DYNC1I1: variants seen among roughly 807,000 people sequenced by gnomAD.
DYNC1I1 encodes the protein cytoplasmic dynein 1 intermediate chain 1.
In DYNC1I1, 43 loss-of-function variants were observed where a neutral mutation model predicts 86.6. The ratio of observed to expected loss-of-function variants is 0.50; its 90% CI spans 0.39 to 0.64. The LOEUF is 0.64. DYNC1I1 is among the 30% of genes least tolerant of loss of function. DYNC1I1 has a pLI of 0.00. For synonymous variants in DYNC1I1, 262 were observed against 283.7 expected (o/e 0.92, Z 0.77); for missense variants, 604 against 788.8 (o/e 0.77, Z 2.81).
At chr7:96,044,663 G>T (rs1789154149) in intron 14 of DYNC1I1, among the ~76,000 whole-genome samples, 1 of 152,148 alleles carries the variant, frequency 6.6e-6, no homozygotes, top group Non-Finnish European at 1.5e-5. Flanking sequence ...GAGCAGGTAA[G>T]GATGGGATCA....
intron 14 of DYNC1I1, among the ~76,000 whole-genome samples, chr7:96,046,542 G>T (rs1354612071): frequency 6.6e-6 from 1 of 152,244 alleles, no homozygotes; most frequent in Admixed American, 6.5e-5. Flanking sequence ...TAGTGAATAA[G>T]TGGGGAAACT....
intron 8 of DYNC1I1, 139 bp from the exon 9 acceptor site, chr7:95,986,917 T>G (rs1793609740): frequency 1.4e-6 from 1 of 693,962 alleles, no homozygotes. Flanking sequence ...TTCATTAATT[T>G]TGATCAGGGT....
At chr7:95,792,847 A>G (rs75665356) in intron 1 of DYNC1I1, among the ~76,000 whole-genome samples, 10,501 of 151,286 alleles carry the variant, frequency 0.069, 501 homozygotes, top group Non-Finnish European at 0.098. Context: ...CAGGTTAAAC[A>G]TGGTGAGAAT....
chr7:95,894,246 G>A (rs1790817181), intron 6 of DYNC1I1, among the ~76,000 whole-genome samples: 1 of 151,906 alleles, frequency 6.6e-6, no homozygotes, highest in Admixed American at 6.6e-5. Context: ...CTGAAGGCTG[G>A]AAAGTCCAAG....
intron 6 of DYNC1I1, among the ~76,000 whole-genome samples, chr7:95,941,648 C>T (rs542314392): frequency 1.2e-4 from 19 of 152,308 alleles, no homozygotes; most frequent in African/African-American, 3.1e-4. Context: ...TTTTTAAGCC[C>T]GTTGGAAAAG....
At chr7:95,891,336 A>G (rs1403660801) in intron 6 of DYNC1I1, among the ~76,000 whole-genome samples, 1 of 152,254 alleles carries the variant, frequency 6.6e-6, no homozygotes, top group African/African-American at 2.4e-5. Flanking sequence ...AAAATAAAAT[A>G]GCTATTTAGA....
At chr7:96,090,777 CCTA>C (rs1584314944) in intron 16 of DYNC1I1, among the ~76,000 whole-genome samples, 1 of 152,148 alleles carries the variant, frequency 6.6e-6, no homozygotes, top group Admixed American at 6.5e-5. Context: ...TAATGTAACT[CCTA>C]CTTTGTCGAC....
At chr7:95,774,624 A>G (rs1793795052) in intron 1 of DYNC1I1, among the ~76,000 whole-genome samples, 1 of 152,152 alleles carries the variant, frequency 6.6e-6, no homozygotes, top group Non-Finnish European at 1.5e-5. Context: ...TTCAGTCACC[A>G]TGTTTTATAT....
chr7:95,962,595 A>G (rs934712471), intron 6 of DYNC1I1, among the ~76,000 whole-genome samples: 2 of 54,364 alleles, frequency 3.7e-5, no homozygotes, highest in African/African-American at 1.8e-4. Context: ...ATAGCCTTTT[A>G]CCCTGACAAA....
chr7:95,819,176 A>G (rs974366340), intron 4 of DYNC1I1, among the ~76,000 whole-genome samples: 3 of 152,130 alleles, frequency 2.0e-5, no homozygotes, highest in Non-Finnish European at 4.4e-5. Flanking sequence ...TTCAGATTAG[A>G]ATTCAGGGAC....
At chr7:95,832,022 G>C (rs1292154563) in intron 5 of DYNC1I1, among the ~76,000 whole-genome samples, 3 of 150,284 alleles carry the variant, frequency 2.0e-5, no homozygotes, top group African/African-American at 7.4e-5. Flanking sequence ...CATTGTGCAG[G>C]TTAGTTACAT....
intron 6 of DYNC1I1, among the ~76,000 whole-genome samples, chr7:95,916,365 G>A (rs995701591): frequency 2.0e-5 from 3 of 151,078 alleles, no homozygotes; most frequent in African/African-American, 7.3e-5. Context: ...GTGTGGATCT[G>A]AGTGGAAAAA....
intron 1 of DYNC1I1, among the ~76,000 whole-genome samples, chr7:95,772,982 C>T (rs895771924): frequency 6.6e-6 from 1 of 152,194 alleles, no homozygotes. Context: ...TGACACCCCC[C>T]TCTCGGCAGA....
chr7:95,924,309 G>T (rs1330834458), intron 6 of DYNC1I1, among the ~76,000 whole-genome samples: 1 of 152,096 alleles, frequency 6.6e-6, no homozygotes, highest in African/African-American at 2.4e-5. Flanking sequence ...GTGCTACTGT[G>T]CATTTGAAAT....
chr7:96,107,163 A>C (rs2116354290), intron 16 of DYNC1I1, among the ~76,000 whole-genome samples: 1 of 152,042 alleles, frequency 6.6e-6, no homozygotes, highest in East Asian at 1.9e-4. Flanking sequence ...AGAAGCTGAG[A>C]TTACAGGTGC....
intron 6 of DYNC1I1, among the ~76,000 whole-genome samples, chr7:95,881,054 G>A (rs1253615773): frequency 1.3e-5 from 2 of 152,182 alleles, no homozygotes; most frequent in East Asian, 1.9e-4. Flanking sequence ...ATTATGTCAC[G>A]ATGTCAGTTC....
At chr7:95,898,070 T>A (rs942580122) in intron 6 of DYNC1I1, among the ~76,000 whole-genome samples, 1 of 152,242 alleles carries the variant, frequency 6.6e-6, no homozygotes, top group African/African-American at 2.4e-5. Context: ...GATTGGACAT[T>A]GCCTTCAGCA....
At chr7:96,060,096 A>G (rs959725641) in intron 14 of DYNC1I1, among the ~76,000 whole-genome samples, 2 of 152,210 alleles carry the variant, frequency 1.3e-5, no homozygotes, top group African/African-American at 4.8e-5. Flanking sequence ...TAATGTGACA[A>G]GTGGATGCTT....
chr7:96,076,107 T>A lies in DYNC1I1; in HGVS notation c.1560T>A (p.Asp520Glu), dbSNP rs1243010339. ...AAGACAATGCAGACTATGTGTACGA[T>A]GTCATGTGGTCCCCCGTGCATCCTG... Reference protein sequence around the residue: ...SFEDNADYVYDVMWSPVHPAL... With the variant: ...SFEDNADYVYEVMWSPVHPAL... The change falls in exon 15 of 17, where the codon GAT (aspartate) becomes GAA (glutamate). Residue 520 changes from aspartate to glutamate, a missense_variant. Coordinates refer to ENST00000447467, the MANE Select transcript of DYNC1I1 (RefSeq NM_001135556.2). 1 of 1,614,052 alleles carries A rather than the reference T, an allele frequency of 6.2e-7. No homozygotes were observed. The highest frequency in any genetic ancestry group is 1.7e-5 in the Admixed American group (1 of 60,002).
Sources: allele counts gnomAD v4.1 joint callset (sites outside exome capture counted in the v4.1 genomes callset), GRCh38; gene constraint gnomAD v4.1.1; transcripts MANE v1.5; gene names NCBI Gene and HGNC (gene_info 2026-07-23, HGNC 2026-07-21).